The following CLK3 variants were observed in gnomAD, a reference collection of about 807,000 sequenced individuals.
The protein encoded by CLK3 is dual specificity protein kinase CLK3.
A neutral mutation model predicts 65.2 loss-of-function variants in CLK3; 24 were observed. The observed-to-expected ratio is 0.37, with a 90% CI of 0.27 to 0.52. The LOEUF is 0.52. CLK3 is among the 20% of genes least tolerant of loss of function. The probability of loss-of-function intolerance (pLI) is 0.92; values close to 1 mark genes in which losing one functional copy is unlikely to be tolerated. For synonymous variants in CLK3, 252 were observed against 240.8 expected (o/e 1.05, Z -0.43); for missense variants, 506 against 660.0 (o/e 0.77, Z 2.56).
upstream of CLK3, chr15:74,614,893 C>T (rs2062037704): frequency 6.6e-6 from 1 of 152,354 alleles, no homozygotes; most frequent in Non-Finnish European, 1.5e-5. Flanking sequence ...GGCGCCACGC[C>T]CTGTCGCTTC....
rs769950096 is a variant in CLK3 at position 74,619,310 on chromosome 15, C to T, written c.114C>T (p.Ser38=). The change falls in exon 2 of 13, where the codon TCC becomes TCT. Residue 38 remains serine (S), a synonymous_variant. Coordinates refer to ENST00000395066, the MANE Select transcript of CLK3 (RefSeq NM_001130028.2). ...ATGAAGGGAGACTGCGATACCCGTC[C>T]CGAAGGGAGCCTCCCCCACGAAGAT... ...REHEGRLRYP[S]RREPPPRRSR... The T allele has an allele frequency of 1.2e-6, 2 of 1,614,166 alleles. No homozygotes were observed. Among genetic ancestry groups the T allele is most frequent in the Non-Finnish European group, 1.7e-6 (2 of 1,180,008 alleles).
At chr15:74,612,362 C>A (rs1280308155), upstream of CLK3, among the ~76,000 whole-genome samples, 1 of 152,136 alleles carries the variant, frequency 6.6e-6, no homozygotes, top group Non-Finnish European at 1.5e-5. Flanking sequence ...GACCTCTCAC[C>A]CACCAGCTTG....
At chr15:74,613,148 A>G (rs2062012480), upstream of CLK3, 1 of 152,432 alleles carries the variant, frequency 6.6e-6, no homozygotes, top group Non-Finnish European at 1.5e-5. Flanking sequence ...GCATCAGAGC[A>G]GCTGGGCCTG....
rs1207767223 is a variant in CLK3, at chr15:74,620,021, G to A, written c.165G>A (p.Leu55=). Residue 55 remains leucine (L), a synonymous_variant, in exon 3 of 13, where the codon CTG becomes CTA. Coordinates refer to ENST00000395066, the MANE Select transcript of CLK3 (RefSeq NM_001130028.2). ...CCCCTTTTGGCAGCCATGACCGCCT[G>A]CCCTACCAGAGGAGGTACCGGGAGC... ...RRSRSRSHDR[L]PYQRRYRERR... is the part of the protein sequence containing the mutation. 1 of 1,614,132 alleles carries A rather than the reference G, an allele frequency of 6.2e-7. No individual in the cohort carries two copies. Among genetic ancestry groups the A allele is most frequent in the Non-Finnish European group, 8.5e-7 (1 of 1,180,018 alleles).
upstream of CLK3, chr15:74,614,883 G>A (rs1457382489): frequency 1.3e-5 from 2 of 152,302 alleles, no homozygotes; most frequent in Admixed American, 1.3e-4. Flanking sequence ...GGGACAATTA[G>A]GCGCCACGCC....
chr15:74,615,521 C>T, upstream of CLK3: 1 of 1,294,270 alleles, frequency 7.7e-7, no homozygotes, highest in Non-Finnish European at 9.8e-7. Flanking sequence ...ACGGAGCGGG[C>T]CCAGCCCCAC....
intron 7 of CLK3, 127 bp downstream of exon 7, chr15:74,626,095 T>C (rs536624176): frequency 9.1e-7 from 1 of 1,102,276 alleles, no homozygotes; most frequent in Admixed American, 2.1e-5. Context: ...GGACACCAGA[T>C]CCCCTTTGGC....
Position 74,629,797 on chromosome 15 carries a change from C to G in CLK3, c.1387C>G (p.Leu463Val). The G allele has an allele frequency of 6.2e-7, 1 of 1,613,592 alleles. No individual in the cohort carries two copies. Residue 463 changes from leucine to valine, a missense_variant, in exon 13 of 13, where the codon CTG becomes GTG. By Grantham distance (32) the Leu-to-Val change is conservative (BLOSUM62 1). This residue lies in a region of CLK3 where 325 missense variants were observed against 500.5 expected (regional missense o/e 0.65). Coordinates refer to ENST00000395066, the MANE Select transcript of CLK3 (RefSeq NM_001130028.2). ...LEFDPAQRIT[L>V]AEALLHPFFA... ...ATTTGACCCTGCCCAGCGCATCACA[C>G]TGGCCGAGGCCCTGCTGCACCCCTT...
At chr15:74,612,396 AG>A (rs145704492), upstream of CLK3, among the ~76,000 whole-genome samples, 532 of 152,160 alleles carry the variant, frequency 3.5e-3, 2 homozygotes, top group African/African-American at 0.012. Context: ...GAGGGTAGAC[AG>A]GGGCTATTCT....
chr15:74,619,971 G>A (rs1438509556), intron 2 of CLK3, 38 bp from the exon 3 acceptor site: 2 of 1,612,976 alleles, frequency 1.2e-6, no homozygotes, highest in Middle Eastern at 1.6e-4. Flanking sequence ...TAACAGCAAG[G>A]ACCCAGCTGA....
At chr15:74,612,227 C>T (rs2061998776), upstream of CLK3, among the ~76,000 whole-genome samples, 1 of 152,178 alleles carries the variant, frequency 6.6e-6, no homozygotes, top group African/African-American at 2.4e-5. Context: ...CTGGAAATGG[C>T]AGGGGAGCAT....
chr15:74,617,025 C>G (rs2141536642), intron 1 of CLK3, among the ~76,000 whole-genome samples: 1 of 152,304 alleles, frequency 6.6e-6, no homozygotes, highest in Middle Eastern at 3.4e-3. Context: ...CCCTAGAGCC[C>G]TGGCTGGGAG....
At position 74,629,773 on chromosome 15, in the gene CLK3, T is replaced by C. The variant is rs1455955475; in HGVS notation, c.1363T>C (p.Phe455Leu). The stretch of plus-strand genomic sequence containing the variant: ...TGACCTGATGAGGAGGATGTTAGAA[T>C]TTGACCCTGCCCAGCGCATCACACT... Reference protein sequence around the residue: ...LFDLMRRMLEFDPAQRITLAE... With the variant: ...LFDLMRRMLELDPAQRITLAE... The change falls in exon 13 of 13, where the codon TTT (phenylalanine) becomes CTT (leucine). Residue 455 changes from phenylalanine (F) to leucine (L), a missense_variant. Phe to Leu is a conservative substitution (Grantham distance 22). Transcript: ENST00000395066. 6 of 1,613,678 alleles carry C rather than the reference T, an allele frequency of 3.7e-6. No individual in the cohort carries two copies. Among genetic ancestry groups the C allele is most frequent in the Non-Finnish European group, 5.1e-6 (6 of 1,179,790 alleles).
chr15:74,616,216 C>G (rs140794852), intron 1 of CLK3, among the ~76,000 whole-genome samples: 1 of 152,240 alleles, frequency 6.6e-6, no homozygotes, highest in South Asian at 2.1e-4. Context: ...CCAGAGAAGC[C>G]CTTCAGACCC....
rs772165651 is a variant in CLK3, at chr15:74,622,451, C to T, written c.467-43C>T. 4.0e-6 allele frequency: 6 copies of T among 1,493,188 alleles called. No homozygotes were observed. The highest frequency in any genetic ancestry group is 5.5e-6 in the Non-Finnish European group (6 of 1,087,410). 92.5% of individuals were successfully genotyped at this position (1,493,188 alleles called of 1,614,324 possible). On this transcript the variant is annotated intron_variant, in intron 4 of 12. Transcript: ENST00000395066. This position sits in a 1 kb window ranked among gnomAD's most constrained non-coding sequence, Gnocchi z 4.6. ...GTGAACTTGCAGGAGCTGCCAACCC[C>T]CTGCCCTCCAGATTCTCATGCCCAA...
upstream of CLK3, chr15:74,614,789 C>A (rs2062035430): frequency 1.3e-5 from 2 of 152,186 alleles, no homozygotes; most frequent in Admixed American, 1.3e-4. Flanking sequence ...CCCTTGGCGC[C>A]CCCGCGGAGC....
chr15:74,624,566 G>A lies in CLK3; in HGVS notation c.534-336G>A. ...AGGGTTGGGGCTGCCTGGCCTATAG[G>A]TTAGGTCACTGTGTGAGCTCTTGGA... is the stretch of plus-strand genomic sequence containing the variant. On this transcript the variant is annotated intron_variant, in intron 5 of 12. Coordinates refer to ENST00000395066, the MANE Select transcript of CLK3 (RefSeq NM_001130028.2). This position sits in a 1 kb window ranked among gnomAD's most constrained non-coding sequence, Gnocchi z 4.2. 1 of 322,072 alleles carries A rather than the reference G, an allele frequency of 3.1e-6. No individual in the cohort carries two copies. Among genetic ancestry groups the A allele is most frequent in the Non-Finnish European group, 5.9e-6 (1 of 168,404 alleles). The allele number at this position is 322,072 out of a possible 1,614,324, so 20.0% of individuals were successfully genotyped here.
rs2062137915 is a variant in CLK3, at chr15:74,625,562, G to A, written c.651-240G>A. Among the ~76,000 whole-genome samples, 4 of 152,166 alleles carry A rather than the reference G, an allele frequency of 2.6e-5. No individual in the cohort carries two copies. The South Asian group carries it at 8.3e-4, about 32-fold the overall frequency. Reference sequence around the variant, plus strand: ...AGCTCGGAGGGCTTGGACCAGAACCGTGGACATCTCCCCTACCCCCCGCAG... The same window carrying A: ...AGCTCGGAGGGCTTGGACCAGAACCATGGACATCTCCCCTACCCCCCGCAG... On this transcript the variant is annotated intron_variant, in intron 6 of 12. Coordinates refer to ENST00000395066, the MANE Select transcript of CLK3 (RefSeq NM_001130028.2).
In CLK3 at chr15:74,622,005, A is replaced by G; in HGVS notation, c.370-115A>G. The G allele has an allele frequency of 1.1e-6, 1 of 914,152 alleles. No individual in the cohort carries two copies. The highest frequency in any genetic ancestry group is 1.6e-5 in the African/African-American group (1 of 61,622). 56.6% of individuals were successfully genotyped at this position (914,152 alleles called of 1,614,324 possible). On this transcript the variant is annotated intron_variant, in intron 3 of 12. Transcript: ENST00000395066. This position sits in a 1 kb window ranked among gnomAD's most constrained non-coding sequence, Gnocchi z 4.6. ...GGGATCTGGAAAATCCAACCAACCAACCCACCGGCTCCTCACCGTCTCCAC... is the reference window on the plus strand; with the variant it reads ...GGGATCTGGAAAATCCAACCAACCAGCCCACCGGCTCCTCACCGTCTCCAC...
Sources: gnomAD v4.1 joint callset for allele counts (sites outside exome capture counted in the v4.1 genomes callset) on GRCh38, gnomAD v4.1.1 for gene constraint, gnomAD v4.1.1 regional missense constraint, Gnocchi (gnomAD v3.1) non-coding constraint, MANE v1.5 for transcripts, NCBI Gene and HGNC (gene_info 2026-07-23, HGNC 2026-07-21) for gene names.